The following AGBL4 variants were observed in gnomAD, a reference collection of about 807,000 sequenced individuals.
AGBL4 encodes AGBL carboxypeptidase 4.
A neutral mutation model predicts 66.4 loss-of-function variants in AGBL4; 58 were observed. That is an observed-to-expected ratio of 0.87 (90% confidence interval 0.71 to 1.09). The LOEUF (loss-of-function observed/expected upper bound fraction) is 1.09, where lower values mean the gene tolerates loss of function less well. Ranked by LOEUF, AGBL4 falls within the 50% of genes least tolerant of loss-of-function variation. The pLI is 0.00. For synonymous variants in AGBL4, 234 were observed against 222.9 expected, an observed-to-expected ratio of 1.05 and a Z score of -0.44; for missense variants, 579 against 631.0, an observed-to-expected ratio of 0.92 and a Z score of 0.88.
chr1:49,762,117 T>G (rs1456181490), intron 2 of AGBL4, among the ~76,000 whole-genome samples: 2 of 152,240 alleles, frequency 1.3e-5, no homozygotes, highest in Admixed American at 1.3e-4. Context: ...CTGGGTCATA[T>G]GGCATTTCTA....
intron 2 of AGBL4, among the ~76,000 whole-genome samples, chr1:49,814,754 A>C (rs1645190562): frequency 6.6e-6 from 1 of 152,190 alleles, no homozygotes; most frequent in South Asian, 2.1e-4. Flanking sequence ...CATTGAAGGA[A>C]TATCTAGGTC....
At chr1:48,884,978 TAA>T (rs5742033) in intron 5 of AGBL4, among the ~76,000 whole-genome samples, 3,386 of 139,556 alleles carry the variant, frequency 0.024, 107 homozygotes, top group African/African-American at 0.075. Context: ...GAGGCAGATT[TAA>T]AAAAAAAAAA....
chr1:48,780,377 C>T (rs1357973542), intron 6 of AGBL4, among the ~76,000 whole-genome samples: 11 of 152,038 alleles, frequency 7.2e-5, no homozygotes, highest in Non-Finnish European at 1.5e-5. Context: ...AGATTCAATG[C>T]TATCCCCATC....
intron 3 of AGBL4, among the ~76,000 whole-genome samples, chr1:49,384,525 G>A (rs139767609): frequency 1.2e-3 from 188 of 152,014 alleles, no homozygotes; most frequent in Non-Finnish European, 1.9e-3. Flanking sequence ...CCTGGGAGGC[G>A]GAGGTTGCAG....
At chr1:49,492,533 A>G (rs572329652) in intron 3 of AGBL4, among the ~76,000 whole-genome samples, 3 of 151,926 alleles carry the variant, frequency 2.0e-5, no homozygotes, top group Non-Finnish European at 4.4e-5. Context: ...AAATTCACCA[A>G]AGGACTTTAT....
At chr1:48,997,753 T>C (rs2148987064) in intron 5 of AGBL4, among the ~76,000 whole-genome samples, 1 of 152,262 alleles carries the variant, frequency 6.6e-6, no homozygotes, top group African/African-American at 2.4e-5. Flanking sequence ...AGGAATATTA[T>C]AAAAAATCAA....
At chr1:48,598,830 T>C (rs2148360340) in intron 9 of AGBL4, among the ~76,000 whole-genome samples, 1 of 152,226 alleles carries the variant, frequency 6.6e-6, no homozygotes, top group South Asian at 2.1e-4. Flanking sequence ...CAACCTTAGC[T>C]TACTGGGACT....
At chr1:49,630,109 T>C (rs2124351686) in intron 3 of AGBL4, among the ~76,000 whole-genome samples, 1 of 152,264 alleles carries the variant, frequency 6.6e-6, no homozygotes, top group South Asian at 2.1e-4. Context: ...AGCTGGTCTA[T>C]ATTACTTCAG....
At chr1:48,715,281 G>T (rs995704797) in intron 6 of AGBL4, among the ~76,000 whole-genome samples, 1 of 152,126 alleles carries the variant, frequency 6.6e-6, no homozygotes, top group African/African-American at 2.4e-5. Context: ...CCTCCCCTGG[G>T]ACACTCAAGG....
chr1:48,776,923 C>CG, intron 6 of AGBL4: 1 of 282,026 alleles, frequency 3.5e-6, no homozygotes, highest in Non-Finnish European at 6.5e-6. Context: ...AGTCTCGCTA[C>CG]GGTGCTGGGG....
At chr1:48,857,246 A>G (rs1293719389) in intron 6 of AGBL4, among the ~76,000 whole-genome samples, 1 of 152,216 alleles carries the variant, frequency 6.6e-6, no homozygotes, top group African/African-American at 2.4e-5. Flanking sequence ...ACAATTTGAC[A>G]AGATGGACAA....
intron 6 of AGBL4, among the ~76,000 whole-genome samples, chr1:48,698,087 C>T (rs935161580): frequency 1.7e-4 from 26 of 152,158 alleles, no homozygotes; most frequent in African/African-American, 6.3e-4. Flanking sequence ...TGTGTTCTCC[C>T]TCCACTGTAC....
intron 1 of AGBL4, among the ~76,000 whole-genome samples, chr1:49,981,446 T>C (rs902196199): frequency 6.6e-6 from 1 of 152,272 alleles, no homozygotes; most frequent in Admixed American, 6.5e-5. Flanking sequence ...AACTGACCTT[T>C]CCAATTAACT....
intron 1 of AGBL4, among the ~76,000 whole-genome samples, chr1:50,016,868 T>G (rs967111764): frequency 2.0e-5 from 3 of 152,206 alleles, no homozygotes; most frequent in Non-Finnish European, 4.4e-5. Context: ...TCAGCTGCTG[T>G]AGAAAGCACT....
At chr1:49,611,914 T>C (rs1170613888) in intron 3 of AGBL4, among the ~76,000 whole-genome samples, 1 of 152,260 alleles carries the variant, frequency 6.6e-6, no homozygotes, top group Non-Finnish European at 1.5e-5. Flanking sequence ...AAGTGTTGAA[T>C]ATCATGATCA....
At chr1:49,361,601 C>T (rs1043030886) in intron 3 of AGBL4, among the ~76,000 whole-genome samples, 5 of 152,220 alleles carry the variant, frequency 3.3e-5, no homozygotes, top group African/African-American at 1.2e-4. Context: ...GCTGGCATTA[C>T]AGGCATGAGC....
At chr1:49,098,475 A>G (rs1361273478) in intron 4 of AGBL4, among the ~76,000 whole-genome samples, 7 of 152,350 alleles carry the variant, frequency 4.6e-5, no homozygotes, top group African/African-American at 1.7e-4. Flanking sequence ...TGAGGATAGG[A>G]AAATGCCGGA....
intron 3 of AGBL4, among the ~76,000 whole-genome samples, chr1:49,276,335 CA>C (rs1319056789): frequency 6.6e-6 from 1 of 152,052 alleles, no homozygotes; most frequent in Non-Finnish European, 1.5e-5. Flanking sequence ...ATCTCTAAAC[CA>C]AAACTCTCCA....
intron 5 of AGBL4, among the ~76,000 whole-genome samples, chr1:49,030,833 AAAAAGGAAAAAAAGAAAAAAAATGGATC>A (rs1247762840): frequency 6.6e-6 from 1 of 151,782 alleles, no homozygotes; most frequent in East Asian, 1.9e-4. Context: ...AAAAAAAAAA[AAAAAGGAAAAAAAGAAAAAAAATGGATC>A]AATCGGACTT....
Sources: gnomAD v4.1 joint callset for allele counts (sites outside exome capture counted in the v4.1 genomes callset) on GRCh38, gnomAD v4.1.1 for gene constraint, MANE v1.5 for transcripts, NCBI Gene and HGNC (gene_info 2026-07-23, HGNC 2026-07-21) for gene names.